Variants in TESK2 observed in about 807,000 individuals in gnomAD.
The protein encoded by TESK2 is testis associated actin remodelling kinase 2.
In TESK2, 39 loss-of-function variants were observed where a neutral mutation model predicts 57.1. The observed-to-expected ratio is 0.68, with a 90% confidence interval of 0.53 to 0.89. The LOEUF is 0.89. TESK2 is among the 40% of genes least tolerant of loss of function. The probability of loss-of-function intolerance (pLI) is 0.00; values close to 1 mark genes in which losing one functional copy is unlikely to be tolerated. For synonymous variants in TESK2, 249 were observed against 267.9 expected (o/e 0.93, Z 0.69); for missense variants, 646 against 732.1 (o/e 0.88, Z 1.36).
intron 4 of TESK2, among the ~76,000 whole-genome samples, chr1:45,362,333 A>G (rs1005183202): frequency 2.0e-5 from 3 of 152,220 alleles, no homozygotes; most frequent in Non-Finnish European, 4.4e-5. Context: ...AGACAAGCAC[A>G]TAAACATATC....
intron 3 of TESK2, among the ~76,000 whole-genome samples, chr1:45,420,441 G>A (rs1442312701): frequency 6.6e-6 from 1 of 151,816 alleles, no homozygotes; most frequent in Non-Finnish European, 1.5e-5. Flanking sequence ...GTTGTTTGTA[G>A]AGATGGGGTT....
chr1:45,404,692 C>A (rs1045491936), intron 3 of TESK2, among the ~76,000 whole-genome samples: 3 of 151,772 alleles, frequency 2.0e-5, no homozygotes, highest in African/African-American at 7.3e-5. Context: ...TACAGGCATG[C>A]GCCACCACGC....
At chr1:45,376,043 GTTTT>G (rs1228187345) in intron 4 of TESK2, among the ~76,000 whole-genome samples, 1 of 152,018 alleles carries the variant, frequency 6.6e-6, no homozygotes, top group Admixed American at 6.6e-5. Context: ...CAGTTTGAGA[GTTTT>G]TTATTACTAA....
At chr1:45,458,552 G>A (rs1652206147) in intron 1 of TESK2, among the ~76,000 whole-genome samples, 1 of 148,374 alleles carries the variant, frequency 6.7e-6, no homozygotes, top group Non-Finnish European at 1.5e-5. Flanking sequence ...GCAACAGAGT[G>A]AGACACTGTC....
chr1:45,476,831 AGT>A (rs1186126643), intron 1 of TESK2, among the ~76,000 whole-genome samples: 3 of 151,740 alleles, frequency 2.0e-5, no homozygotes, highest in Non-Finnish European at 2.9e-5. Flanking sequence ...TGGGAGATAG[AGT>A]GAGACTCCAT....
At chr1:45,419,617 CCAA>C (rs1650382545) in intron 3 of TESK2, among the ~76,000 whole-genome samples, 1 of 151,894 alleles carries the variant, frequency 6.6e-6, no homozygotes, top group South Asian at 2.1e-4. Flanking sequence ...ACAAGCCTGG[CCAA>C]CGTGGTAAAA....
At chr1:45,361,500 C>T (rs1482660741) in intron 4 of TESK2, among the ~76,000 whole-genome samples, 1 of 152,152 alleles carries the variant, frequency 6.6e-6, no homozygotes, top group Non-Finnish European at 1.5e-5. Context: ...TCTATACCAA[C>T]TTTACCTATA....
intron 4 of TESK2, among the ~76,000 whole-genome samples, chr1:45,355,843 T>C (rs1647396126): frequency 6.6e-6 from 1 of 152,166 alleles, no homozygotes; most frequent in Non-Finnish European, 1.5e-5. Flanking sequence ...GAGCAGCATA[T>C]GCAAAGTTAC....
intron 1 of TESK2, among the ~76,000 whole-genome samples, chr1:45,485,522 T>TC (rs1653436710): frequency 1.3e-5 from 1 of 75,962 alleles, no homozygotes; most frequent in Non-Finnish European, 2.4e-5. Flanking sequence ...TTTTTTATTT[T>TC]ATTTTTTTTT....
At chr1:45,450,882 G>A (rs1051228077) in intron 2 of TESK2, among the ~76,000 whole-genome samples, 2 of 151,918 alleles carry the variant, frequency 1.3e-5, no homozygotes, top group Non-Finnish European at 2.9e-5. Flanking sequence ...TGCCTAGGCT[G>A]GTCTTGAACT....
intron 4 of TESK2, among the ~76,000 whole-genome samples, chr1:45,380,737 TTA>T (rs1369708174): frequency 6.6e-6 from 1 of 152,222 alleles, no homozygotes; most frequent in Non-Finnish European, 1.5e-5. Flanking sequence ...AAAATTCCAG[TTA>T]TATGAGTCCT....
chr1:45,449,608 A>T (rs1169878470), intron 2 of TESK2, among the ~76,000 whole-genome samples: 1 of 152,122 alleles, frequency 6.6e-6, no homozygotes, highest in African/African-American at 2.4e-5. Context: ...GGTGATGCAT[A>T]ATTTCTTGAG....
intron 2 of TESK2, among the ~76,000 whole-genome samples, chr1:45,437,187 G>A (rs1253750394): frequency 6.6e-6 from 1 of 152,162 alleles, no homozygotes; most frequent in East Asian, 1.9e-4. Flanking sequence ...TCCAATCCAT[G>A]AGCATAAGAT....
At chr1:45,391,239 A>T in intron 3 of TESK2, among the ~76,000 whole-genome samples, 1 of 123,936 alleles carries the variant, frequency 8.1e-6, no homozygotes, top group Non-Finnish European at 1.6e-5. Flanking sequence ...TTTTTTTGAG[A>T]CAGGGTCTTG....
chr1:45,404,954 A>G (rs1251762280), intron 3 of TESK2, among the ~76,000 whole-genome samples: 1 of 152,144 alleles, frequency 6.6e-6, no homozygotes, highest in Admixed American at 6.5e-5. Flanking sequence ...ACTTTAAGCT[A>G]TACAGCCTCA....
chr1:45,359,304 A>C (rs1647575288), intron 4 of TESK2, among the ~76,000 whole-genome samples: 1 of 152,242 alleles, frequency 6.6e-6, no homozygotes, highest in South Asian at 2.1e-4. Context: ...TCACGCCTGT[A>C]ATCTCAGCAC....
chr1:45,375,858 T>C (rs994130991), intron 4 of TESK2, among the ~76,000 whole-genome samples: 1 of 152,216 alleles, frequency 6.6e-6, no homozygotes, highest in African/African-American at 2.4e-5. Context: ...CAAATAAATA[T>C]CTTTTGGATG....
At chr1:45,389,898 T>C (rs1649066292) in intron 3 of TESK2, among the ~76,000 whole-genome samples, 1 of 152,222 alleles carries the variant, frequency 6.6e-6, no homozygotes. Context: ...AATTACATTA[T>C]CCTTTACATG....
rs1405564654 is a variant in TESK2 at position 45,344,917 on chromosome 1, T to C, written c.1639A>G (p.Arg547Gly). 1 of 1,614,050 alleles carries C rather than the reference T, an allele frequency of 6.2e-7. No homozygotes were observed. Among genetic ancestry groups the C allele is most frequent in the African/African-American group, 1.3e-5 (1 of 74,938 alleles). Residue 547 changes from arginine (R) to glycine (G), a missense_variant, in exon 11 of 11, where the codon AGG becomes GGG. By Grantham distance (125) the Arg-to-Gly change is moderately radical (BLOSUM62 -2). Transcript: ENST00000372086. ...GASEEMEVEERPAGSTPATFS... is the reference protein window; with the variant it reads ...GASEEMEVEEGPAGSTPATFS... ...GTGGCTGGAGTTGAGCCTGCTGGCC[T>C]TTCTTCTACCTCCATCTCCTCAGAA...
Sources: allele counts gnomAD v4.1 joint callset (sites outside exome capture counted in the v4.1 genomes callset), GRCh38; gene constraint gnomAD v4.1.1; transcripts MANE v1.5; gene names NCBI Gene and HGNC (gene_info 2026-07-23, HGNC 2026-07-21).